ANKS1B: variants seen among roughly 807,000 people sequenced by gnomAD.
ANKS1B encodes ankyrin repeat and sterile alpha motif domain-containing protein 1B.
In ANKS1B, 36 loss-of-function variants were observed where a neutral mutation model predicts 148.3. That is an observed-to-expected ratio of 0.24 (90% CI 0.19 to 0.32). The LOEUF (loss-of-function observed/expected upper bound fraction) is 0.32. ANKS1B is among the 10% of genes least tolerant of loss of function. ANKS1B has a pLI of 1.00. For missense variants in ANKS1B, 1,157 were observed against 1,542.6 expected, an observed-to-expected ratio of 0.75 and a Z score of 4.19; for synonymous variants, 542 against 560.8, an observed-to-expected ratio of 0.97 and a Z score of 0.47.
intron 17 of ANKS1B, among the ~76,000 whole-genome samples, chr12:98,989,823 T>C (rs1260794433): frequency 6.6e-6 from 1 of 150,932 alleles, no homozygotes; most frequent in Non-Finnish European, 1.5e-5. Context: ...AGCCCAGGAG[T>C]TCAAGACAGC....
At chr12:99,685,180 T>A (rs1297381175) in intron 8 of ANKS1B, among the ~76,000 whole-genome samples, 2 of 151,818 alleles carry the variant, frequency 1.3e-5, no homozygotes, top group Non-Finnish European at 2.9e-5. Flanking sequence ...TGCATCTAAC[T>A]ATATAAACAA....
chr12:99,944,871 GAAGCTGGCCTTT>G (rs1424738957), intron 1 of ANKS1B, among the ~76,000 whole-genome samples: 2 of 152,126 alleles, frequency 1.3e-5, no homozygotes, highest in African/African-American at 4.8e-5. Context: ...AACTCAAGAA[GAAGCTGGCCTTT>G]AAGCTGACTT....
chr12:99,624,198 C>A (rs150207373), intron 9 of ANKS1B, among the ~76,000 whole-genome samples: 2,343 of 152,112 alleles, frequency 0.015, 56 homozygotes, highest in African/African-American at 0.053. Flanking sequence ...AATTGGCTAG[C>A]CATGTGCAAA....
chr12:99,651,002 A>G (rs1028187920), intron 9 of ANKS1B, among the ~76,000 whole-genome samples: 1 of 152,174 alleles, frequency 6.6e-6, no homozygotes, highest in Non-Finnish European at 1.5e-5. Flanking sequence ...TATAAAAGAT[A>G]TTTGATACAT....
intron 8 of ANKS1B, among the ~76,000 whole-genome samples, chr12:99,656,748 C>A (rs1367314625): frequency 2.8e-5 from 4 of 142,134 alleles, no homozygotes; most frequent in Non-Finnish European, 6.4e-5. Flanking sequence ...TTAGCAGACT[C>A]AATTTAAAAA....
At chr12:99,303,121 C>G (rs1278598888) in intron 12 of ANKS1B, among the ~76,000 whole-genome samples, 1 of 152,080 alleles carries the variant, frequency 6.6e-6, no homozygotes, top group Non-Finnish European at 1.5e-5. Context: ...ACAGCAACCT[C>G]TAAGACAGCC....
intron 15 of ANKS1B, among the ~76,000 whole-genome samples, chr12:99,141,897 A>G (rs754808414): frequency 3.1e-4 from 47 of 151,958 alleles, no homozygotes; most frequent in Non-Finnish European, 5.1e-4. Context: ...TAACTTTCCC[A>G]TGGAGCAAGT....
chr12:99,192,579 GC>G (rs1566598542), intron 14 of ANKS1B, among the ~76,000 whole-genome samples: 5 of 152,026 alleles, frequency 3.3e-5, no homozygotes. Flanking sequence ...TATAAAAGGG[GC>G]TTATTTCTAA....
intron 1 of ANKS1B, among the ~76,000 whole-genome samples, chr12:99,894,772 TATAATA>T (rs148066774): frequency 6.7e-6 from 1 of 148,644 alleles, no homozygotes; most frequent in Non-Finnish European, 1.5e-5. Flanking sequence ...ATTATAAATA[TATAATA>T]ATAATAATAT....
At chr12:99,894,282 A>C (rs990574031) in intron 1 of ANKS1B, among the ~76,000 whole-genome samples, 1 of 67,764 alleles carries the variant, frequency 1.5e-5, no homozygotes, top group African/African-American at 5.7e-5. Flanking sequence ...AAAGGAAGGA[A>C]GGAAGGAAGG....
At chr12:99,823,811 T>C (rs2082817049) in intron 2 of ANKS1B, among the ~76,000 whole-genome samples, 1 of 152,200 alleles carries the variant, frequency 6.6e-6, no homozygotes, top group Admixed American at 6.5e-5. Flanking sequence ...CATATGGTTA[T>C]CCAGCTATCC....
chr12:99,042,729 GACA>G (rs1276427554), intron 17 of ANKS1B, among the ~76,000 whole-genome samples: 1 of 152,118 alleles, frequency 6.6e-6, no homozygotes, highest in Admixed American at 6.5e-5. Context: ...ATTGAATCCT[GACA>G]ACAATATCTA....
At chr12:99,445,418 G>C (rs189457619) in intron 10 of ANKS1B, among the ~76,000 whole-genome samples, 1 of 151,930 alleles carries the variant, frequency 6.6e-6, no homozygotes, top group Non-Finnish European at 1.5e-5. Flanking sequence ...ATATTTAACA[G>C]TATAATGGTG....
intron 8 of ANKS1B, among the ~76,000 whole-genome samples, chr12:99,718,473 C>T (rs1394128511): frequency 7.2e-5 from 11 of 152,118 alleles, no homozygotes; most frequent in South Asian, 2.1e-4. Context: ...ACTCTTACCC[C>T]GCTCAATGCC....
chr12:99,956,839 T>C (rs958428944), intron 1 of ANKS1B, among the ~76,000 whole-genome samples: 1 of 152,174 alleles, frequency 6.6e-6, no homozygotes, highest in African/African-American at 2.4e-5. Context: ...GTATAAAAAT[T>C]CCAATTACCA....
chr12:98,945,036 A>G (rs755404309), intron 17 of ANKS1B, among the ~76,000 whole-genome samples: 10 of 152,216 alleles, frequency 6.6e-5, no homozygotes, highest in Non-Finnish European at 1.2e-4. Context: ...TTAACAGCAC[A>G]GAGATAGCAG....
intron 17 of ANKS1B, among the ~76,000 whole-genome samples, chr12:98,930,564 C>T (rs886394545): frequency 1.3e-5 from 2 of 152,038 alleles, no homozygotes. Context: ...GGATACATAA[C>T]TGTGGTGTAT....
downstream of ANKS1B, among the ~76,000 whole-genome samples, chr12:98,743,165 A>C (rs1017020912): frequency 6.6e-6 from 1 of 152,022 alleles, no homozygotes; most frequent in East Asian, 1.9e-4. Context: ...ATTTTTGAGG[A>C]TTTGGCCACG....
intron 17 of ANKS1B, among the ~76,000 whole-genome samples, chr12:98,906,600 C>T (rs1399277026): frequency 3.9e-5 from 6 of 152,174 alleles, no homozygotes; most frequent in Non-Finnish European, 8.8e-5. Flanking sequence ...ACTGGCTTCC[C>T]TCTGTCACTC....
Sources: gnomAD v4.1 joint callset for allele counts (sites outside exome capture counted in the v4.1 genomes callset) on GRCh38, gnomAD v4.1.1 for gene constraint, MANE v1.5 for transcripts, NCBI Gene and HGNC (gene_info 2026-07-23, HGNC 2026-07-21) for gene names.